Variants in NME9 observed in about 807,000 individuals in gnomAD.
The protein encoded by NME9 is NME/NM23 family member 9.
In NME9, 48 loss-of-function variants were observed where a neutral mutation model predicts 44.4. That is an observed-to-expected ratio of 1.08 (90% CI 0.86 to 1.37). NME9 has a LOEUF of 1.37. Ranked by LOEUF, NME9 falls within the 40% of genes most tolerant of loss-of-function variation. The pLI is 0.00. For missense variants in NME9, 325 were observed against 405.2 expected (o/e 0.80, Z 1.70); for synonymous variants, 139 against 147.1 (o/e 0.94, Z 0.40).
chr3:138,294,504 A>G (rs143886709), intron 8 of NME9, among the ~76,000 whole-genome samples: 26 of 152,338 alleles, frequency 1.7e-4, no homozygotes, highest in African/African-American at 6.3e-4. Context: ...GATGGATTGG[A>G]CTATTCACAA....
chr3:138,269,905 A>T (rs375452925), intron 8 of NME9: 1 of 454,208 alleles, frequency 2.2e-6, no homozygotes, highest in South Asian at 6.0e-5. Flanking sequence ...TGGCTACATC[A>T]CTCCCTGCTT....
intron 4 of NME9, among the ~76,000 whole-genome samples, chr3:138,316,878 G>T (rs886640401): frequency 6.6e-6 from 1 of 152,182 alleles, no homozygotes; most frequent in African/African-American, 2.4e-5. Flanking sequence ...GCCTCCCAAA[G>T]TGCTGGGATT....
intron 7 of NME9, 23 bp from the exon 8 acceptor site, chr3:138,306,119 C>T: frequency 1.3e-6 from 2 of 1,515,310 alleles, no homozygotes; most frequent in Non-Finnish European, 1.8e-6. Flanking sequence ...TATAAATATT[C>T]TAAAAGGGTA....
chr3:138,326,753 A>G (rs570030556), intron 1 of NME9, among the ~76,000 whole-genome samples: 2 of 152,170 alleles, frequency 1.3e-5, no homozygotes, highest in South Asian at 4.2e-4. Flanking sequence ...TTCTTAATAC[A>G]GGTATGCTAA....
chr3:138,327,639 C>T (rs909549214), intron 1 of NME9, among the ~76,000 whole-genome samples: 1 of 152,112 alleles, frequency 6.6e-6, no homozygotes, highest in East Asian at 1.9e-4. Flanking sequence ...CCTGAATAAC[C>T]TTGCTGAGAG....
chr3:138,262,722 C>G (rs1202332512), intron 8 of NME9: 1 of 893,030 alleles, frequency 1.1e-6, no homozygotes, highest in Non-Finnish European at 1.6e-6. Context: ...TCTGCAAGGA[C>G]AACCAAGGTT....
intron 6 of NME9, among the ~76,000 whole-genome samples, chr3:138,307,830 G>A (rs763286013): frequency 2.6e-5 from 4 of 152,166 alleles, no homozygotes; most frequent in Admixed American, 6.5e-5. Flanking sequence ...CGGAAGAGAA[G>A]GTTTTGAGAA....
chr3:138,295,415 C>T (rs2051390413), intron 8 of NME9, among the ~76,000 whole-genome samples: 1 of 152,220 alleles, frequency 6.6e-6, no homozygotes, highest in Admixed American at 6.5e-5. Context: ...CACCTCAACA[C>T]CATTTCCTCG....
In NME9 at chr3:138,263,212, T is replaced by C. The variant is rs535305961; in HGVS notation, c.746-626A>G. On this transcript the variant is annotated intron_variant, in intron 8 of 8. Coordinates refer to the NME9 transcript ENST00000317876. ...AGTTGAAACAATAAAGCTTCATGAT[T>C]ATAGTGATTATATGTAGCAGCACTT... Among the ~76,000 whole-genome samples, 3 of 152,278 alleles carry C rather than the reference T, an allele frequency of 2.0e-5. 1 individual carries two copies. Among genetic ancestry groups the C allele is most frequent in the Admixed American group, 6.5e-5 (1 of 15,294 alleles).
At chr3:138,289,273 A>G (rs1316143638) in intron 8 of NME9, among the ~76,000 whole-genome samples, 2 of 152,188 alleles carry the variant, frequency 1.3e-5, no homozygotes, top group Non-Finnish European at 2.9e-5. Flanking sequence ...TATGAGAATC[A>G]GTGGAACTAG....
At chr3:138,310,074 T>G (rs2052587853) in intron 6 of NME9, among the ~76,000 whole-genome samples, 2 of 150,404 alleles carry the variant, frequency 1.3e-5, no homozygotes, top group African/African-American at 4.9e-5. Flanking sequence ...AGAAACCCAC[T>G]TTACCTATAA....
chr3:138,301,563 A>G lies in NME9; in HGVS notation c.*77T>C, dbSNP rs2051848435. ...ACCAAAAAGTATTGGTACTCAAAAGAGTAAGTTCCGATTCCGGAGGTCTGT... is the reference window on the plus strand; with the variant it reads ...ACCAAAAAGTATTGGTACTCAAAAGGGTAAGTTCCGATTCCGGAGGTCTGT... On this transcript the variant is annotated 3_prime_UTR_variant, in exon 11 of 11. Transcript: ENST00000333911. 1 of 1,521,376 alleles carries G rather than the reference A, an allele frequency of 6.6e-7. No homozygotes were observed. The highest frequency in any genetic ancestry group is 1.4e-5 in the African/African-American group (1 of 72,210). 94.2% of individuals were successfully genotyped at this position (1,521,376 alleles called of 1,614,324 possible).
intron 8 of NME9, among the ~76,000 whole-genome samples, chr3:138,264,612 G>T (rs988038111): frequency 1.3e-5 from 2 of 151,358 alleles, no homozygotes; most frequent in African/African-American, 4.8e-5. Flanking sequence ...TAGAGGCGGG[G>T]TTTCACCATA....
At chr3:138,283,703 A>G (rs2050144377) in intron 8 of NME9, among the ~76,000 whole-genome samples, 1 of 152,154 alleles carries the variant, frequency 6.6e-6, no homozygotes, top group Non-Finnish European at 1.5e-5. Flanking sequence ...TTGAGAATGG[A>G]ACAGCTGACA....
At chr3:138,300,526 T>TTGC (rs2051784768), downstream of NME9, among the ~76,000 whole-genome samples, 1 of 152,120 alleles carries the variant, frequency 6.6e-6, no homozygotes, top group Non-Finnish European at 1.5e-5. Flanking sequence ...ATAAAGTCGT[T>TTGC]AGAGGGGGTG....
At chr3:138,275,389 C>T (rs1242491230) in intron 8 of NME9, among the ~76,000 whole-genome samples, 1 of 152,102 alleles carries the variant, frequency 6.6e-6, no homozygotes, top group Non-Finnish European at 1.5e-5. Context: ...AACCCCATCT[C>T]TACTAAAAAA....
At chr3:138,327,953 A>G (rs2053897570) in intron 1 of NME9, among the ~76,000 whole-genome samples, 1 of 152,160 alleles carries the variant, frequency 6.6e-6, no homozygotes, top group Non-Finnish European at 1.5e-5. Flanking sequence ...CACAGACAAC[A>G]TCAGACCAGC....
At position 138,315,577 on chromosome 3, in the gene NME9, G is replaced by A; in HGVS notation, c.334C>T (p.Gln112Ter). The A allele has an allele frequency of 6.5e-7, 1 of 1,536,638 alleles. No homozygotes were observed. The highest frequency in any genetic ancestry group is 8.7e-7 in the Non-Finnish European group (1 of 1,147,028). ...AGCACTTTCTTTTCGGCCTCCAGCT[G>A]GTCTAGGATGGTTTTCTGCAGCAGT... ...APLLQKTILD[Q>*]LEAEKKVLAE... Residue 112 changes from glutamine to a stop codon, truncating the protein, a stop_gained, in exon 5 of 11, where the codon CAG becomes TAG. Transcript: ENST00000333911. LOFTEE classifies it high-confidence loss of function.
chr3:138,303,868 C>T (rs1577118348), intron 9 of NME9, among the ~76,000 whole-genome samples: 1 of 152,158 alleles, frequency 6.6e-6, no homozygotes, highest in East Asian at 1.9e-4. Flanking sequence ...CCTACACGAT[C>T]CCATTACATT....
Sources: gnomAD v4.1 joint callset for allele counts (sites outside exome capture counted in the v4.1 genomes callset) on GRCh38, gnomAD v4.1.1 for gene constraint, MANE v1.5 for transcripts, NCBI Gene and HGNC (gene_info 2026-07-23, HGNC 2026-07-21) for gene names.